Variants in ZBTB7B observed in about 807,000 individuals in gnomAD.
ZBTB7B encodes zinc finger and BTB domain-containing protein 7B.
ZBTB7B carries 8 observed loss-of-function variants against 31.0 expected under a neutral mutation model. That is an observed-to-expected ratio of 0.26 (90% CI 0.15 to 0.47). The LOEUF (loss-of-function observed/expected upper bound fraction) is 0.47, where lower values mean the gene tolerates loss of function less well. ZBTB7B is among the 20% of genes least tolerant of loss of function. The pLI is 0.99. For missense variants in ZBTB7B, 494 were observed against 742.4 expected, an observed-to-expected ratio of 0.67 and a Z score of 3.89; for synonymous variants, 261 against 307.3, an observed-to-expected ratio of 0.85 and a Z score of 1.58.
intron 1 of ZBTB7B, among the ~76,000 whole-genome samples, chr1:155,005,202 G>A (rs1239142899): frequency 6.6e-6 from 1 of 152,086 alleles, no homozygotes; most frequent in Non-Finnish European, 1.5e-5. Flanking sequence ...GTGGGGGAGG[G>A]GGCCCAGCAG....
rs1348349643 is a variant in ZBTB7B at position 155,004,852 on chromosome 1, C to T, written c.-7+1909C>T. 2.0e-5 allele frequency among the ~76,000 whole-genome samples: 3 copies of T among 152,112 alleles called. No homozygotes were observed. Among genetic ancestry groups the T allele is most frequent in the African/African-American group, 7.2e-5 (3 of 41,398 alleles). ...ACTGTCCCCTCCCTTGGGTACCACA[C>T]ACCCCCAGCCCTGGCACAGGGGTCA... On this transcript the variant is annotated intron_variant, in intron 1 of 2. Coordinates refer to ENST00000535420, the MANE Select transcript of ZBTB7B (RefSeq NM_001256455.2). This position sits in a 1 kb window ranked among gnomAD's most constrained non-coding sequence, Gnocchi z 4.0.
rs532972227 is a variant in ZBTB7B, at chr1:155,018,442, C to T, written c.*1757C>T. 1.3e-5 allele frequency: 15 copies of T among 1,199,088 alleles called. No homozygotes were observed. The highest frequency in any genetic ancestry group is 3.1e-5 in the African/African-American group (2 of 65,532). 74.3% of individuals were successfully genotyped at this position (1,199,088 alleles called of 1,614,324 possible). A position where few individuals can be genotyped will look rare whatever the true frequency, so the allele number is the denominator to read the frequency against. ...TGCCTTAGGGGGAGAGGCACTCCCC[C>T]CCTCCTATTCCCTTCCCCCCACCCC... is the stretch of plus-strand genomic sequence containing the variant. On this transcript the variant is annotated 3_prime_UTR_variant, in exon 3 of 3. Transcript: ENST00000535420.
chr1:155,006,816 G>T (rs1658586908), intron 1 of ZBTB7B, among the ~76,000 whole-genome samples: 1 of 151,018 alleles, frequency 6.6e-6, no homozygotes, highest in Non-Finnish European at 1.5e-5. Flanking sequence ...CTCCCCCTTT[G>T]CCTGGGAGCA....
At chr1:155,011,063 C>T (rs6686021) in intron 1 of ZBTB7B, 605,229 of 1,435,606 alleles carry the variant, frequency 0.42, 132,200 homozygotes, top group East Asian at 0.73. Flanking sequence ...TGCCTGTGTC[C>T]CAGGCCCATA....
intron 1 of ZBTB7B, among the ~76,000 whole-genome samples, chr1:155,009,418 T>A (rs1227413174): frequency 6.6e-6 from 1 of 152,070 alleles, no homozygotes; most frequent in Non-Finnish European, 1.5e-5. Context: ...CCCTGGCACC[T>A]TGTGCGGTCT....
At chr1:155,002,127 T>G (rs1234249035), upstream of ZBTB7B, among the ~76,000 whole-genome samples, 5 of 151,564 alleles carry the variant, frequency 3.3e-5, no homozygotes, top group African/African-American at 1.2e-4. Context: ...CCCCCTCCTC[T>G]CCAGGTTCCA....
rs1284813052 is a variant in ZBTB7B, at chr1:155,014,933, G to A, written c.273G>A (p.Leu91=). 3.7e-6 allele frequency: 6 copies of A among 1,613,780 alleles called. No homozygotes were observed. The Admixed American group carries it at 1.0e-4, about 27-fold the overall frequency. The change falls in exon 2 of 3, where the codon CTG becomes CTA. Residue 91 remains leucine, a synonymous_variant. Transcript: ENST00000535420. ...TGGAGAGVCE[L]DFVGPEALGA... ...GAGCAGGGGCCGGTGTGTGTGAGCT[G>A]GACTTTGTAGGGCCAGAGGCACTAG...
intron 1 of ZBTB7B, among the ~76,000 whole-genome samples, chr1:155,007,558 GCT>G (rs1159358041): frequency 2.6e-5 from 4 of 152,210 alleles, no homozygotes; most frequent in Non-Finnish European, 4.4e-5. Context: ...TGCCTCCTAG[GCT>G]CTCTCTGTGT....
chr1:155,015,779 C>T lies in ZBTB7B; in HGVS notation c.1119C>T (p.Pro373=), dbSNP rs71628639. 1.2e-6 allele frequency: 2 copies of T among 1,612,228 alleles called. No homozygotes were observed. Among genetic ancestry groups the T allele is most frequent in the Non-Finnish European group, 1.7e-6 (2 of 1,179,920 alleles). ...RHMRTHTGEK[P]FACEVCGVRF... ...TGAGGACCCACACAGGCGAGAAGCC[C>T]TTTGCCTGCGAGGTCTGCGGTGTTC... Residue 373 remains proline (P), a synonymous_variant, in exon 2 of 3, where the codon CCC becomes CCT. Coordinates refer to ENST00000535420, the MANE Select transcript of ZBTB7B (RefSeq NM_001256455.2).
At chr1:155,002,011 T>C (rs1000163184), upstream of ZBTB7B, among the ~76,000 whole-genome samples, 1 of 149,438 alleles carries the variant, frequency 6.7e-6, no homozygotes, top group Non-Finnish European at 1.5e-5. Flanking sequence ...TAACCTCTCA[T>C]ACCCTTCCCT....
intron 1 of ZBTB7B, among the ~76,000 whole-genome samples, chr1:155,012,015 C>T (rs996655617): frequency 3.3e-5 from 5 of 152,316 alleles, no homozygotes; most frequent in Admixed American, 2.6e-4. Flanking sequence ...AACACCCTCT[C>T]CTTCCCACAC....
intron 1 of ZBTB7B, among the ~76,000 whole-genome samples, chr1:155,009,137 G>A (rs1030939773): frequency 1.3e-5 from 2 of 152,222 alleles, no homozygotes; most frequent in African/African-American, 4.8e-5. Flanking sequence ...CTTGAGAAGC[G>A]GGAATGTGGG....
rs1345983967 is a variant in ZBTB7B, at chr1:155,018,123, G to T, written c.*1438G>T. ...CTCCTTAAAAGGGGCAGGTTCAGGGGCCCGGTGCTCTTCCTCCCTTCCATG... is the reference window on the plus strand; with the variant it reads ...CTCCTTAAAAGGGGCAGGTTCAGGGTCCCGGTGCTCTTCCTCCCTTCCATG... On this transcript the variant is annotated 3_prime_UTR_variant, in exon 3 of 3. Transcript: ENST00000535420. 1.7e-4 allele frequency: 32 copies of T among 189,064 alleles called. No homozygotes were observed. The South Asian group carries it at 2.7e-3, about 16-fold the overall frequency. 11.7% of individuals were successfully genotyped at this position (189,064 alleles called of 1,614,324 possible).
intron 1 of ZBTB7B, among the ~76,000 whole-genome samples, chr1:155,013,167 A>AT (rs1659117862): frequency 6.6e-6 from 1 of 152,220 alleles, no homozygotes; most frequent in South Asian, 2.1e-4. Context: ...ATTTGGTCTC[A>AT]TTTAACCCTC....
intron 1 of ZBTB7B, among the ~76,000 whole-genome samples, chr1:155,007,120 T>C (rs116429036): frequency 9.6e-4 from 146 of 152,356 alleles, no homozygotes; most frequent in African/African-American, 3.3e-3. Context: ...GGGTACCCTC[T>C]GCATCCCCCC....
chr1:155,016,294 G>A lies in ZBTB7B; in HGVS notation c.1229G>A (p.Arg410His). Residue 410 changes from arginine to histidine, a missense_variant, in exon 3 of 3, where the codon CGC becomes CAC. This residue lies in a region of ZBTB7B where 61 missense variants were observed against 170.0 expected (regional missense o/e 0.36). Transcript: ENST00000535420. The surrounding 1 kb of genome is among the most constrained non-coding windows in gnomAD (Gnocchi z 4.3). ...TACTCATGCCCGCACTGCCCAGCCC[G>A]CTTCCTGCACAGCTACGACCTCAAG... is the stretch of plus-strand genomic sequence containing the variant. ...RPYSCPHCPA[R>H]FLHSYDLKNH... The A allele has an allele frequency of 2.5e-6, 4 of 1,614,054 alleles. No individual in the cohort carries two copies. The highest frequency in any genetic ancestry group is 1.1e-5 in the South Asian group (1 of 91,084).
At position 155,016,620 on chromosome 1, in the gene ZBTB7B, G is replaced by T; in HGVS notation, c.1555G>T (p.Asp519Tyr). Residue 519 changes from aspartate (D) to tyrosine (Y), a missense_variant, in exon 3 of 3, where the codon GAT (aspartate) becomes TAT (tyrosine). Physicochemically the swap from Asp to Tyr is radical, Grantham distance 160. This residue lies in a region of ZBTB7B where 101 missense variants were observed against 119.5 expected (regional missense o/e 0.85). Coordinates refer to ENST00000535420, the MANE Select transcript of ZBTB7B (RefSeq NM_001256455.2). This position sits in a 1 kb window ranked among gnomAD's most constrained non-coding sequence, Gnocchi z 4.3. Reference protein sequence around the residue: ...GPPVSTPGPPDDDEEEGAPTT... With the variant: ...GPPVSTPGPPYDDEEEGAPTT... ...CCCGGTCTCTACCCCAGGGCCCCCT[G>T]ATGACGATGAGGAGGAAGGGGCACC... The T allele has an allele frequency of 5.0e-6, 8 of 1,610,730 alleles. No individual in the cohort carries two copies. The highest frequency in any genetic ancestry group is 6.8e-6 in the Non-Finnish European group (8 of 1,178,048).
intron 1 of ZBTB7B, among the ~76,000 whole-genome samples, chr1:155,009,355 G>A (rs1459091493): frequency 2.0e-5 from 3 of 151,152 alleles, no homozygotes; most frequent in Non-Finnish European, 4.4e-5. Context: ...AGCCAGCTCG[G>A]TTACCCAGCC....
chr1:155,016,576 A>C lies in ZBTB7B; in HGVS notation c.1511A>C (p.Gln504Pro), dbSNP rs767336649. 5.6e-6 allele frequency: 9 copies of C among 1,613,918 alleles called. No homozygotes were observed. The highest frequency in any genetic ancestry group is 1.7e-6 in the Non-Finnish European group (2 of 1,179,844). ...FRLSLARFWE[Q>P]SAPTGPPVST... is the part of the protein sequence containing the mutation. ...CTCTCTCTAGCTCGATTCTGGGAGCAGTCAGCCCCCACTGGGCCCCCGGTC... is the reference window on the plus strand; with the variant it reads ...CTCTCTCTAGCTCGATTCTGGGAGCCGTCAGCCCCCACTGGGCCCCCGGTC... The change falls in exon 3 of 3, where the codon CAG becomes CCG. Residue 504 changes from glutamine to proline, a missense_variant. Gln to Pro is a moderately conservative substitution (Grantham distance 76). Coordinates refer to ENST00000535420, the MANE Select transcript of ZBTB7B (RefSeq NM_001256455.2). This position sits in a 1 kb window ranked among gnomAD's most constrained non-coding sequence, Gnocchi z 4.3.
Sources: gnomAD v4.1 joint callset for allele counts (sites outside exome capture counted in the v4.1 genomes callset) on GRCh38, gnomAD v4.1.1 for gene constraint, gnomAD v4.1.1 regional missense constraint, Gnocchi (gnomAD v3.1) non-coding constraint, MANE v1.5 for transcripts, NCBI Gene and HGNC (gene_info 2026-07-23, HGNC 2026-07-21) for gene names.